Variants in SPTBN2 observed in about 807,000 individuals in gnomAD.
The protein encoded by SPTBN2 is spectrin beta, non-erythrocytic 2, also known as spectrin beta chain, non-erythrocytic 2.
In SPTBN2, 107 loss-of-function variants were observed where a neutral mutation model predicts 284.2. The ratio of observed to expected loss-of-function variants is 0.38; its 90% CI spans 0.32 to 0.44. The LOEUF (loss-of-function observed/expected upper bound fraction) is 0.44, where lower values mean the gene tolerates loss of function less well. SPTBN2 is among the 20% of genes least tolerant of loss of function. SPTBN2 has a pLI of 1.00. For synonymous variants in SPTBN2, 1,289 were observed against 1,354.8 expected, an observed-to-expected ratio of 0.95 and a Z score of 1.07; for missense variants, 2,569 against 3,287.1, an observed-to-expected ratio of 0.78 and a Z score of 5.34.
chr11:66,709,466 C>A (rs1028098006), intron 10 of SPTBN2, among the ~76,000 whole-genome samples: 5 of 152,244 alleles, frequency 3.3e-5, no homozygotes, highest in African/African-American at 1.2e-4. Context: ...GCATGAGCCA[C>A]GGTGCCCAGC....
chr11:66,743,117 G>T lies in SPTBN2; in HGVS notation c.-475+1425C>A, dbSNP rs1942910903. Reference sequence around the variant, plus strand: ...TTCTGAAAAAGGACAAGAGACTGGGGGTGGGGATGGGGAGCTCTGCGGGGG... The same window carrying T: ...TTCTGAAAAAGGACAAGAGACTGGGTGTGGGGATGGGGAGCTCTGCGGGGG... On this transcript the variant is annotated intron_variant, in intron 1 of 37. Coordinates refer to the SPTBN2 transcript ENST00000611817. Among the ~76,000 whole-genome samples, 5 of 152,128 alleles carry T rather than the reference G, an allele frequency of 3.3e-5. No individual in the cohort carries two copies. The South Asian group carries it at 1.0e-3, about 32-fold the overall frequency.
intron 22 of SPTBN2, 59 bp downstream of exon 22, chr11:66,694,080 G>A (rs532298320): frequency 2.4e-4 from 382 of 1,582,824 alleles, no homozygotes; most frequent in Middle Eastern, 2.2e-3. Context: ...CATCCAGGAG[G>A]GAGGCTGGAG....
At chr11:66,720,576 T>G (rs1343465434) in intron 3 of SPTBN2, among the ~76,000 whole-genome samples, 1 of 151,134 alleles carries the variant, frequency 6.6e-6, no homozygotes, top group East Asian at 1.9e-4. Flanking sequence ...CAGCAGCGGG[T>G]GGAGGGAACC....
In SPTBN2 at chr11:66,688,349, C is replaced by T. The variant is rs776813030; in HGVS notation, c.6232-38G>A. The T allele has an allele frequency of 5.3e-5, 83 of 1,553,768 alleles. No individual in the cohort carries two copies. In the South Asian group the frequency reaches 6.4e-4, roughly 12 times the overall value. ...GCTGCATTCAGCGTGTAGAAGGTTGCGTGTAAGAGGGCCAGGGAAACAGGG... is the reference window on the plus strand; with the variant it reads ...GCTGCATTCAGCGTGTAGAAGGTTGTGTGTAAGAGGGCCAGGGAAACAGGG... On this transcript the variant is annotated intron_variant, in intron 31 of 37. Transcript: ENST00000533211.
chr11:66,701,361 G>A, intron 16 of SPTBN2, 79 bp from the exon 17 acceptor site: 2 of 1,569,458 alleles, frequency 1.3e-6, no homozygotes, highest in Non-Finnish European at 1.7e-6. Context: ...TCTCTCTCTT[G>A]GTAGCTCCCC....
rs141382350 is a variant in SPTBN2 at position 66,693,370 on chromosome 11, G to A, written c.4670C>T (p.Ala1557Val). 1.2e-6 allele frequency: 2 copies of A among 1,604,324 alleles called. No homozygotes were observed. The highest frequency in any genetic ancestry group is 1.7e-6 in the Non-Finnish European group (2 of 1,179,972). Residue 1557 changes from alanine (A) to valine (V), a missense_variant, in exon 24 of 38, where the codon GCA becomes GTA. Physicochemically the swap from Ala to Val is moderately conservative, Grantham distance 64 (BLOSUM62 0). Around this residue, in one of 6 missense-constraint regions of SPTBN2, gnomAD observed 1,130 missense variants for 1,317.3 expected, o/e 0.86. Coordinates refer to ENST00000533211, the MANE Select transcript of SPTBN2 (RefSeq NM_006946.4). The surrounding 1 kb of genome is among the most constrained non-coding windows in gnomAD (Gnocchi z 5.7). ...CTCAGCCAGCTCTGGACCTGCTGCT[G>A]CTGCACCTAGAGCACGCTGCCGCTC... ...LRERQRALGA[A>V]AAGPELAELQ...
intron 1 of SPTBN2, among the ~76,000 whole-genome samples, chr11:66,726,042 C>A (rs1211073604): frequency 2.0e-5 from 3 of 152,118 alleles, no homozygotes; most frequent in Non-Finnish European, 4.4e-5. Context: ...TCTCTCTGCC[C>A]GCTCCACATT....
intron 1 of SPTBN2, among the ~76,000 whole-genome samples, chr11:66,743,856 G>T (rs922067412): frequency 2.0e-5 from 3 of 152,104 alleles, no homozygotes; most frequent in Non-Finnish European, 4.4e-5. Flanking sequence ...GTAAAAGACG[G>T]GGGGTCGTTT....
intron 37 of SPTBN2, 135 bp downstream of exon 37, chr11:66,686,263 C>T (rs761312791): frequency 1.3e-5 from 18 of 1,403,708 alleles, no homozygotes; most frequent in South Asian, 8.1e-5. Context: ...CGGCCTGGTG[C>T]GGCCGTCGCA....
At chr11:66,723,605 C>G (rs1942512853) in intron 1 of SPTBN2, among the ~76,000 whole-genome samples, 1 of 152,136 alleles carries the variant, frequency 6.6e-6, no homozygotes, top group South Asian at 2.1e-4. Flanking sequence ...TGCAAGAGAG[C>G]TAAGGTCTAA....
chr11:66,715,720 C>T lies in SPTBN2; in HGVS notation c.309+110G>A. 1 of 1,448,538 alleles carries T rather than the reference C, an allele frequency of 6.9e-7. No individual in the cohort carries two copies. Among genetic ancestry groups the T allele is most frequent in the Non-Finnish European group, 9.4e-7 (1 of 1,059,548 alleles). 89.7% of individuals were successfully genotyped at this position (1,448,538 alleles called of 1,614,324 possible). ...GAACCCATCCTCTGAGCAGAGGGAG[C>T]CACTGCTTCCCGCCCTGTGCCGTCA... On this transcript the variant is annotated intron_variant, in intron 4 of 37. Coordinates refer to ENST00000533211, the MANE Select transcript of SPTBN2 (RefSeq NM_006946.4). The surrounding 1 kb of genome is among the most constrained non-coding windows in gnomAD (Gnocchi z 5.3).
Position 66,721,362 on chromosome 11 carries a change from C to A in SPTBN2, c.-35G>T. 7.3e-7 allele frequency: 1 copy of A among 1,368,584 alleles called. No homozygotes were observed. Among genetic ancestry groups the A allele is most frequent in the Non-Finnish European group, 1.0e-6 (1 of 967,414 alleles). 84.8% of individuals were successfully genotyped at this position (1,368,584 alleles called of 1,614,324 possible). On this transcript the variant is annotated 5_prime_UTR_variant, in exon 2 of 38. Transcript: ENST00000533211. Reference sequence around the variant, plus strand: ...CTTCTTGCCCTACCTGTGCTCCGCTCTCCTTGTGGCCAGAGGCTGCGGTTG... The same window carrying A: ...CTTCTTGCCCTACCTGTGCTCCGCTATCCTTGTGGCCAGAGGCTGCGGTTG...
Position 66,710,900 on chromosome 11 carries a change from C to A in SPTBN2, c.885+17G>T. On this transcript the variant is annotated intron_variant, in intron 9 of 37. Transcript: ENST00000533211. The surrounding 1 kb of genome is among the most constrained non-coding windows in gnomAD (Gnocchi z 4.9). ...GGGCCTCCTCTGGCCTTTATGCCTACTGCCCATGGACAGTACCTTGCCAAT... is the reference window on the plus strand; with the variant it reads ...GGGCCTCCTCTGGCCTTTATGCCTAATGCCCATGGACAGTACCTTGCCAAT... The A allele has an allele frequency of 6.2e-7, 1 of 1,613,550 alleles. No individual in the cohort carries two copies. The highest frequency in any genetic ancestry group is 8.5e-7 in the Non-Finnish European group (1 of 1,179,434).
rs1940061692 is a variant in SPTBN2 at position 66,685,714 on chromosome 11, A to G, written c.*157T>C. On this transcript the variant is annotated 3_prime_UTR_variant, in exon 38 of 38. Transcript: ENST00000533211. This position sits in a 1 kb window ranked among gnomAD's most constrained non-coding sequence, Gnocchi z 4.4. ...GAAGAGAAGGGCTGCCCTTGGGAAC[A>G]TGGACTCGTCCCCAGTGACAGTTCC... 2 of 706,948 alleles carry G rather than the reference A, an allele frequency of 2.8e-6. No individual in the cohort carries two copies. Among genetic ancestry groups the G allele is most frequent in the South Asian group, 1.6e-5 (1 of 62,574 alleles). 43.8% of individuals were successfully genotyped at this position (706,948 alleles called of 1,614,324 possible).
Position 66,701,092 on chromosome 11 carries a change from C to T in SPTBN2, c.3007G>A (p.Gly1003Ser), listed in dbSNP as rs770666144. ...GVLALQRKLA[G>S]TERDLEAIAA... ...ATGGCCTCCAGGTCCCGCTCCGTGC[C>T]GGCCAGCTTGCGCTGCAGGGCCAGC... Residue 1003 changes from glycine (G) to serine (S), a missense_variant, in exon 17 of 38, where the codon GGC (glycine) becomes AGC (serine). Gly to Ser is a moderately conservative substitution (Grantham distance 56, BLOSUM62 0). Transcript: ENST00000533211. 43 of 1,612,450 alleles carry T rather than the reference C, an allele frequency of 2.7e-5. No homozygotes were observed. The highest frequency in any genetic ancestry group is 1.3e-4 in the South Asian group (12 of 91,086).
chr11:66,693,497 C>G lies in SPTBN2; in HGVS notation c.4594-51G>C. The G allele has an allele frequency of 6.4e-7, 1 of 1,563,718 alleles. No individual in the cohort carries two copies. Among genetic ancestry groups the G allele is most frequent in the Non-Finnish European group, 8.6e-7 (1 of 1,162,884 alleles). On this transcript the variant is annotated intron_variant, in intron 23 of 37. Transcript: ENST00000533211. The surrounding 1 kb of genome is among the most constrained non-coding windows in gnomAD (Gnocchi z 5.7). The stretch of plus-strand genomic sequence containing the variant: ...TGCTGAAAGTCCTGCCCCAGCCCCA[C>G]GTGCTCCCGGAGACCACCCTTCACC...
rs1942241618 is a variant in SPTBN2, at chr11:66,718,430, C to T, written c.158-2449G>A. Among the ~76,000 whole-genome samples the T allele has an allele frequency of 6.6e-6, 1 of 152,242 alleles. No homozygotes were observed. Among genetic ancestry groups the T allele is most frequent in the Non-Finnish European group, 1.5e-5 (1 of 68,046 alleles). ...AGGCACAGTCGTCCCCACAGGGGGC[C>T]CCCGGGCCTCACCTTGCAGCTGTTT... is the stretch of plus-strand genomic sequence containing the variant. On this transcript the variant is annotated intron_variant, in intron 3 of 37. Coordinates refer to ENST00000533211, the MANE Select transcript of SPTBN2 (RefSeq NM_006946.4). The surrounding 1 kb of genome is among the most constrained non-coding windows in gnomAD (Gnocchi z 4.8).
At chr11:66,697,237 C>G (rs1940972324) in intron 20 of SPTBN2, among the ~76,000 whole-genome samples, 1 of 152,146 alleles carries the variant, frequency 6.6e-6, no homozygotes, top group Non-Finnish European at 1.5e-5. Flanking sequence ...GGCTCCACCC[C>G]CCTACTGATC....
chr11:66,738,864 T>A (rs1942875596), intron 1 of SPTBN2, among the ~76,000 whole-genome samples: 1 of 151,052 alleles, frequency 6.6e-6, no homozygotes, highest in African/African-American at 2.4e-5. Context: ...CAGGCTGGAG[T>A]GCAGCAGCCC....
Sources: allele counts gnomAD v4.1 joint callset (sites outside exome capture counted in the v4.1 genomes callset), GRCh38; gene constraint gnomAD v4.1.1; regional missense constraint gnomAD v4.1.1; non-coding constraint Gnocchi (gnomAD v3.1); transcripts MANE v1.5; gene names NCBI Gene and HGNC (gene_info 2026-07-23, HGNC 2026-07-21).